The following ITGA8 variants were observed in gnomAD, a reference collection of about 807,000 sequenced individuals.
The protein encoded by ITGA8 is integrin alpha-8.
A neutral mutation model predicts 142.3 loss-of-function variants in ITGA8; 91 were observed. That is an observed-to-expected ratio of 0.64 (90% CI 0.54 to 0.76). The LOEUF is 0.76. ITGA8 is among the 30% of genes least tolerant of loss of function. The pLI is 0.00. For synonymous variants in ITGA8, 505 were observed against 485.2 expected (o/e 1.04, Z -0.54); for missense variants, 1,406 against 1,327.7 (o/e 1.06, Z -0.92).
At chr10:15,560,654 A>G (rs61843055) in intron 25 of ITGA8, among the ~76,000 whole-genome samples, 6,973 of 152,316 alleles carry the variant, frequency 0.046, 222 homozygotes, top group Admixed American at 0.09. Flanking sequence ...GATGGCATGA[A>G]GCTCCATTGG....
intron 4 of ITGA8, among the ~76,000 whole-genome samples, chr10:15,683,636 A>G (rs1294623209): frequency 5.9e-5 from 9 of 152,248 alleles, no homozygotes; most frequent in African/African-American, 2.2e-4. Context: ...GCCCAGGTCC[A>G]ACCATGCTAG....
chr10:15,543,274 A>G (rs932577526), intron 27 of ITGA8, among the ~76,000 whole-genome samples: 1 of 152,226 alleles, frequency 6.6e-6, no homozygotes, highest in Non-Finnish European at 1.5e-5. Context: ...GTCTAATGTT[A>G]GTCAGGGGCA....
In ITGA8 at chr10:15,629,463, G is replaced by A. The variant is rs139936194; in HGVS notation, c.1400-12904C>T. Among the ~76,000 whole-genome samples the A allele has an allele frequency of 6.0e-4, 91 of 151,984 alleles. 1 individual carries two copies. The highest frequency in any genetic ancestry group is 2.1e-3 in the African/African-American group (85 of 41,320). The stretch of plus-strand genomic sequence containing the variant: ...ATCTTATATGAAAGGCAGGCTCCCT[G>A]CATTTTTCCTCTGCCCCACTTGTCT... On this transcript the variant is annotated intron_variant, in intron 13 of 29. Transcript: ENST00000378076.
At chr10:15,667,603 G>C (rs1273507049) in intron 8 of ITGA8, among the ~76,000 whole-genome samples, 1 of 152,110 alleles carries the variant, frequency 6.6e-6, no homozygotes, top group Non-Finnish European at 1.5e-5. Flanking sequence ...TCTTTTAATT[G>C]TGATGTTAGG....
At chr10:15,710,183 T>C (rs1300748667) in intron 2 of ITGA8, among the ~76,000 whole-genome samples, 1 of 152,258 alleles carries the variant, frequency 6.6e-6, no homozygotes, top group African/African-American at 2.4e-5. Flanking sequence ...TTCCCAAAGA[T>C]AGTCTCTCAT....
chr10:15,591,957 T>A (rs1357609837), intron 22 of ITGA8, among the ~76,000 whole-genome samples: 2 of 152,090 alleles, frequency 1.3e-5, no homozygotes, highest in Non-Finnish European at 2.9e-5. Context: ...TGAGGAAAAG[T>A]GGAAGTAAAG....
At position 15,565,925 on chromosome 10, in the gene ITGA8, C is replaced by T. The variant is rs143277236; in HGVS notation, c.2637+6286G>A. On this transcript the variant is annotated intron_variant, in intron 25 of 29. Transcript: ENST00000378076. Reference sequence around the variant, plus strand: ...ATTTTTAAGGGTATGTGTGTGTGTGCGCACGCGTGAGTGAGAGACAGAGGG... The same window carrying T: ...ATTTTTAAGGGTATGTGTGTGTGTGTGCACGCGTGAGTGAGAGACAGAGGG... Among the ~76,000 whole-genome samples the T allele has an allele frequency of 1.9e-4, 29 of 151,834 alleles. 1 individual carries two copies. The highest frequency in any genetic ancestry group is 6.3e-4 in the African/African-American group (26 of 41,408).
intron 23 of ITGA8, among the ~76,000 whole-genome samples, chr10:15,585,379 T>C (rs1832810125): frequency 1.3e-5 from 2 of 152,012 alleles, no homozygotes; most frequent in Admixed American, 1.3e-4. Flanking sequence ...TAACTTGGAG[T>C]AGCACCCAGA....
At chr10:15,656,505 A>C (rs1403892412) in intron 10 of ITGA8, among the ~76,000 whole-genome samples, 23 of 152,012 alleles carry the variant, frequency 1.5e-4, no homozygotes. Context: ...CTGGGATTAC[A>C]GGTACCTGCC....
At chr10:15,585,744 G>A (rs1007989499) in intron 23 of ITGA8, among the ~76,000 whole-genome samples, 2 of 152,154 alleles carry the variant, frequency 1.3e-5, no homozygotes, top group African/African-American at 4.8e-5. Flanking sequence ...TTTGCAGCTG[G>A]TAGTCATTTC....
chr10:15,524,404 A>T (rs565738258), intron 28 of ITGA8, among the ~76,000 whole-genome samples: 2 of 152,212 alleles, frequency 1.3e-5, no homozygotes, highest in Non-Finnish European at 2.9e-5. Context: ...TAACTGAATA[A>T]TTTTTTTCTG....
chr10:15,632,095 T>C (rs1246996630), intron 13 of ITGA8, among the ~76,000 whole-genome samples: 1 of 151,994 alleles, frequency 6.6e-6, no homozygotes, highest in Non-Finnish European at 1.5e-5. Context: ...GGCTATATTA[T>C]TTGTGAAATA....
intron 17 of ITGA8, 34 bp from the exon 18 acceptor site, chr10:15,606,456 C>G (rs1222327948): frequency 2.9e-5 from 45 of 1,566,170 alleles, no homozygotes; most frequent in Non-Finnish European, 3.8e-5. Flanking sequence ...AACAGAGGCT[C>G]CATGAAATAG....
chr10:15,641,210 C>T (rs1393550092), intron 13 of ITGA8, among the ~76,000 whole-genome samples: 11 of 152,086 alleles, frequency 7.2e-5, no homozygotes, highest in Non-Finnish European at 1.2e-4. Flanking sequence ...CATGCTACCA[C>T]GGCTGGCTGA....
chr10:15,595,414 G>A (rs545571333), intron 21 of ITGA8, among the ~76,000 whole-genome samples: 1 of 152,098 alleles, frequency 6.6e-6, no homozygotes, highest in Non-Finnish European at 1.5e-5. Flanking sequence ...ATGTGTTTAA[G>A]GGCACTAAAG....
At chr10:15,578,062 A>G (rs1239630356) in intron 23 of ITGA8, among the ~76,000 whole-genome samples, 1 of 152,174 alleles carries the variant, frequency 6.6e-6, no homozygotes, top group Non-Finnish European at 1.5e-5. Flanking sequence ...AACAGCTTGC[A>G]AAACCAAAAT....
rs372857086 is a variant in ITGA8 at position 15,648,148 on chromosome 10, A to G, written c.1002-1097T>C. 3.3e-5 allele frequency among the ~76,000 whole-genome samples: 5 copies of G among 152,178 alleles called. No individual in the cohort carries two copies. In the East Asian group the frequency reaches 5.8e-4, roughly 18 times the overall value. ...TGATTTGATTTTTTAAAAAGGTATA[A>G]TGTATAATTTCTGTTTTAAAATTTT... is the stretch of plus-strand genomic sequence containing the variant. On this transcript the variant is annotated intron_variant, in intron 11 of 29. Coordinates refer to ENST00000378076, the MANE Select transcript of ITGA8 (RefSeq NM_003638.3).
intron 27 of ITGA8, among the ~76,000 whole-genome samples, chr10:15,547,021 A>G (rs1564345446): frequency 6.6e-6 from 1 of 152,146 alleles, no homozygotes; most frequent in East Asian, 1.9e-4. Flanking sequence ...AAATCTAGGG[A>G]TAAAAAAATT....
At chr10:15,574,632 G>A (rs756646480) in intron 24 of ITGA8, among the ~76,000 whole-genome samples, 8 of 151,632 alleles carry the variant, frequency 5.3e-5, no homozygotes, top group Non-Finnish European at 1.2e-4. Flanking sequence ...CTCATGATCC[G>A]CCTGCCTTGG....
Sources: allele counts gnomAD v4.1 joint callset (sites outside exome capture counted in the v4.1 genomes callset), GRCh38; gene constraint gnomAD v4.1.1; transcripts MANE v1.5; gene names NCBI Gene and HGNC (gene_info 2026-07-23, HGNC 2026-07-21).